Variants in STAG1 observed in about 807,000 individuals in gnomAD.
The protein encoded by STAG1 is STAG1 cohesin complex component.
A neutral mutation model predicts 170.9 loss-of-function variants in STAG1; 26 were observed. That is an observed-to-expected ratio of 0.15 (90% CI 0.11 to 0.21). STAG1 has a LOEUF of 0.21. Among genes scored for constraint, STAG1 ranks in the 10% least tolerant of loss-of-function variants. The pLI, the probability that STAG1 is intolerant of heterozygous loss-of-function variation, is 1.00. For missense variants in STAG1, 964 were observed against 1,509.5 expected (o/e 0.64, Z 5.99); for synonymous variants, 514 against 497.7 (o/e 1.03, Z -0.44).
At chr3:136,383,849 G>C (rs1938112037) in intron 22 of STAG1, among the ~76,000 whole-genome samples, 4 of 151,460 alleles carry the variant, frequency 2.6e-5, no homozygotes, top group Middle Eastern at 3.2e-3. Context: ...TAGCTACTCG[G>C]GAGGCTGAGG....
chr3:136,592,706 G>C (rs1938245269), intron 4 of STAG1, among the ~76,000 whole-genome samples: 1 of 152,136 alleles, frequency 6.6e-6, no homozygotes, highest in Non-Finnish European at 1.5e-5. Flanking sequence ...ACTTCATGGT[G>C]GGTAAAAGTA....
intron 3 of STAG1, among the ~76,000 whole-genome samples, chr3:136,613,986 G>C (rs1014690091): frequency 6.6e-6 from 1 of 152,052 alleles, no homozygotes; most frequent in Non-Finnish European, 1.5e-5. Context: ...AGGCTGATGC[G>C]GATGGATTAG....
At chr3:136,549,661 T>TG (rs1936306122) in intron 5 of STAG1, among the ~76,000 whole-genome samples, 1 of 150,158 alleles carries the variant, frequency 6.7e-6, no homozygotes, top group South Asian at 2.1e-4. Flanking sequence ...TTCTTCCGTT[T>TG]TTTTTTTTTT....
In STAG1 at chr3:136,338,299, T is replaced by C. The variant is rs762243866; in HGVS notation, c.3754-22A>G. The C allele has an allele frequency of 6.9e-6, 11 of 1,594,808 alleles. No homozygotes were observed. The Admixed American group carries it at 1.5e-4, about 22-fold the overall frequency. On this transcript the variant is annotated intron_variant, in intron 33 of 33. Coordinates refer to ENST00000383202, the MANE Select transcript of STAG1 (RefSeq NM_005862.3). ...ATCCCTAGAAAAATGATGAGAAACA[T>C]AATTATTAATTTCATGCATAAACAG...
At chr3:136,380,094 T>C (rs1316098461) in intron 22 of STAG1, among the ~76,000 whole-genome samples, 1 of 152,200 alleles carries the variant, frequency 6.6e-6, no homozygotes, top group African/African-American at 2.4e-5. Flanking sequence ...AATGGTAATA[T>C]TCCTATTTTA....
intron 4 of STAG1, among the ~76,000 whole-genome samples, chr3:136,578,715 C>T (rs777229489): frequency 3.9e-5 from 6 of 152,128 alleles, no homozygotes; most frequent in Non-Finnish European, 8.8e-5. Flanking sequence ...CATTGCAGTC[C>T]ACCAGTTAAA....
At chr3:136,589,572 G>C (rs1338817136) in intron 4 of STAG1, among the ~76,000 whole-genome samples, 1 of 150,154 alleles carries the variant, frequency 6.7e-6, no homozygotes, top group Non-Finnish European at 1.5e-5. Flanking sequence ...AGGAGGCGGA[G>C]GTTGCAGTGA....
intron 1 of STAG1, among the ~76,000 whole-genome samples, chr3:136,656,617 T>TTGTGTGTGTGTGTGTG (rs71157397): frequency 0.09 from 12,819 of 143,216 alleles, 765 homozygotes; most frequent in African/African-American, 0.16. Context: ...CTGTATTTAT[T>TTGTGTGTGTGTGTGTG]TGTGTGTGTG....
At chr3:136,452,501 T>A (rs1293075658) in intron 13 of STAG1, among the ~76,000 whole-genome samples, 1 of 151,276 alleles carries the variant, frequency 6.6e-6, no homozygotes, top group Admixed American at 6.6e-5. Context: ...GAGGCGGAGC[T>A]TGCAGACAGC....
chr3:136,610,387 C>T (rs1196902795), intron 3 of STAG1, among the ~76,000 whole-genome samples: 1 of 152,184 alleles, frequency 6.6e-6, no homozygotes, highest in African/African-American at 2.4e-5. Flanking sequence ...ACTCCTTGAT[C>T]ATGGCTCTCC....
chr3:136,485,240 G>A (rs534177934), intron 9 of STAG1, among the ~76,000 whole-genome samples: 23 of 152,222 alleles, frequency 1.5e-4, no homozygotes, highest in African/African-American at 4.3e-4. Flanking sequence ...GGCAGATCAC[G>A]AAGTCAGGAG....
At chr3:136,343,078 C>G (rs1936049490) in intron 30 of STAG1, among the ~76,000 whole-genome samples, 1 of 152,182 alleles carries the variant, frequency 6.6e-6, no homozygotes, top group Non-Finnish European at 1.5e-5. Context: ...TATTTTCAAC[C>G]TAACTAAATT....
At chr3:136,521,489 T>G in intron 6 of STAG1, 72 bp from the exon 7 acceptor site, 4 of 1,372,800 alleles carry the variant, frequency 2.9e-6, no homozygotes, top group South Asian at 1.3e-5. Flanking sequence ...TTTTTCTTCC[T>G]ACCTACATAG....
At chr3:136,696,954 T>C (rs776682123) in intron 1 of STAG1, among the ~76,000 whole-genome samples, 10 of 152,164 alleles carry the variant, frequency 6.6e-5, no homozygotes, top group Non-Finnish European at 1.3e-4. Context: ...GCACAACGGA[T>C]GCACATGAAA....
intron 4 of STAG1, among the ~76,000 whole-genome samples, chr3:136,582,698 C>G (rs1937616339): frequency 6.6e-6 from 1 of 152,116 alleles, no homozygotes; most frequent in Non-Finnish European, 1.5e-5. Flanking sequence ...ACTTGGGAGG[C>G]TGGGGCAGGA....
At position 136,428,893 on chromosome 3, in the gene STAG1, G is replaced by A. The variant is rs140212999; in HGVS notation, c.1650+4663C>T. Among the ~76,000 whole-genome samples, 402 of 152,334 alleles carry A rather than the reference G, an allele frequency of 2.6e-3. 1 individual carries two copies. Among genetic ancestry groups the A allele is most frequent in the Middle Eastern group, 0.01 (3 of 294 alleles). On this transcript the variant is annotated intron_variant, in intron 16 of 33. Transcript: ENST00000383202. ...CTCACGTCTGTAATCCCCGCACTGTGGGATGCCAAGGTGGGAGAATCACCT... is the reference window on the plus strand; with the variant it reads ...CTCACGTCTGTAATCCCCGCACTGTAGGATGCCAAGGTGGGAGAATCACCT...
chr3:136,372,550 T>C (rs1275393738), intron 23 of STAG1, among the ~76,000 whole-genome samples: 2 of 152,228 alleles, frequency 1.3e-5, no homozygotes, highest in Non-Finnish European at 2.9e-5. Flanking sequence ...TGAGAGTTTT[T>C]AGTATGAAGG....
At chr3:136,376,714 A>G (rs1320726385) in intron 23 of STAG1, among the ~76,000 whole-genome samples, 1 of 152,166 alleles carries the variant, frequency 6.6e-6, no homozygotes, top group Admixed American at 6.5e-5. Flanking sequence ...CTGGTGTGGG[A>G]AGGAGCTGAA....
At chr3:136,714,626 G>A (rs1943470519) in intron 1 of STAG1, among the ~76,000 whole-genome samples, 1 of 151,954 alleles carries the variant, frequency 6.6e-6, no homozygotes, top group African/African-American at 2.4e-5. Context: ...TACTTGGGAG[G>A]CTGAGGCAGG....
Sources: gnomAD v4.1 joint callset for allele counts (sites outside exome capture counted in the v4.1 genomes callset) on GRCh38, gnomAD v4.1.1 for gene constraint, MANE v1.5 for transcripts, NCBI Gene and HGNC (gene_info 2026-07-23, HGNC 2026-07-21) for gene names.